The following TMEM74 variants were observed in gnomAD, a reference collection of about 807,000 sequenced individuals.
The protein encoded by TMEM74 is transmembrane protein 74.
TMEM74 carries 13 observed loss-of-function variants against 18.1 expected under a neutral mutation model. The ratio of observed to expected loss-of-function variants is 0.72; its 90% CI spans 0.47 to 1.14. TMEM74 has a LOEUF of 1.14. Among genes scored for constraint, TMEM74 ranks in the 50% most tolerant of loss-of-function variants. The pLI is 0.00. For synonymous variants in TMEM74, 159 were observed against 146.6 expected (o/e 1.08, Z -0.61); for missense variants, 372 against 375.9 (o/e 0.99, Z 0.09).
At chr8:108,693,046 G>C (rs200222371) in intron 1 of TMEM74, among the ~76,000 whole-genome samples, 1 of 152,170 alleles carries the variant, frequency 6.6e-6, no homozygotes, top group Non-Finnish European at 1.5e-5. Flanking sequence ...TTTGAGACTT[G>C]GATGATGAAA....
rs893651791 is a variant in TMEM74 at position 108,779,952 on chromosome 8, G to T, written c.*4229C>A. ...GTGAGATGATAATATAGAATATTAT[G>T]AACCAAAAACAGATATAGCTAAAAA... On this transcript the variant is annotated 3_prime_UTR_variant, in exon 2 of 2. Coordinates refer to ENST00000297459, the MANE Select transcript of TMEM74 (RefSeq NM_153015.3). Among the ~76,000 whole-genome samples the T allele has an allele frequency of 1.3e-5, 2 of 152,212 alleles. No homozygotes were observed.
At chr8:108,756,144 C>T (rs890647836) in intron 1 of TMEM74, among the ~76,000 whole-genome samples, 61 of 151,982 alleles carry the variant, frequency 4.0e-4, no homozygotes, top group African/African-American at 1.4e-3. Flanking sequence ...AAATTTCAAA[C>T]GATTAGGTTT....
At chr8:108,613,641 C>T (rs753639535) in intron 2 of TMEM74, among the ~76,000 whole-genome samples, 3 of 152,186 alleles carry the variant, frequency 2.0e-5, no homozygotes, top group Non-Finnish European at 2.9e-5. Flanking sequence ...CACGTTGTTT[C>T]CCTTTTTTCA....
intron 2 of TMEM74, chr8:108,652,979 T>G (rs1812788981): frequency 4.0e-6 from 1 of 252,222 alleles, no homozygotes; most frequent in African/African-American, 2.3e-5. Flanking sequence ...TTAGTTTATT[T>G]CCTCTGGAAA....
chr8:108,758,974 A>G (rs1814009248), intron 1 of TMEM74, among the ~76,000 whole-genome samples: 1 of 152,118 alleles, frequency 6.6e-6, no homozygotes, highest in African/African-American at 2.4e-5. Context: ...TACATGATTT[A>G]TATAATGCTT....
intron 1 of TMEM74, among the ~76,000 whole-genome samples, chr8:108,677,738 A>C (rs1813068977): frequency 6.6e-6 from 1 of 152,090 alleles, no homozygotes; most frequent in East Asian, 1.9e-4. Flanking sequence ...TGCAAAATCC[A>C]TCTTTCTGTA....
At chr8:108,708,826 A>C (rs1813445059) in intron 1 of TMEM74, among the ~76,000 whole-genome samples, 1 of 150,398 alleles carries the variant, frequency 6.6e-6, no homozygotes, top group Non-Finnish European at 1.5e-5. Context: ...AAAAAAAAAA[A>C]AAAAAACCAA....
At chr8:108,618,097 C>T (rs1273223847) in intron 2 of TMEM74, among the ~76,000 whole-genome samples, 1 of 152,122 alleles carries the variant, frequency 6.6e-6, no homozygotes, top group East Asian at 1.9e-4. Flanking sequence ...ATTCAGGCAC[C>T]CCATTCTCCC....
Position 108,661,378 on chromosome 8 carries a change from CTTTTTTTTTTTTT to C in TMEM74, n.120-5954_120-5942del, listed in dbSNP as rs760545466. Among the ~76,000 whole-genome samples, 307 of 86,732 alleles carry C rather than the reference CTTTTTTTTTTTTT, an allele frequency of 3.5e-3. 8 individuals are homozygous for C. The highest frequency in any genetic ancestry group is 0.031 in the East Asian group (82 of 2,612). The allele number at this position is 86,732 out of a possible 152,430, so 56.9% of individuals were successfully genotyped here. On this transcript the variant is annotated intron_variant and non_coding_transcript_variant, in intron 1 of 3. Coordinates refer to the TMEM74 transcript ENST00000518838. The stretch of plus-strand genomic sequence containing the variant: ...TATCTTTTTCCTCTCCCTTGCAGCT[CTTTTTTTTTTTTT>C]TTTTTTTTTTCTATCTTTGCTGAGG...
chr8:108,742,855 A>G (rs1047983842), intron 1 of TMEM74, among the ~76,000 whole-genome samples: 1 of 152,192 alleles, frequency 6.6e-6, no homozygotes, highest in Non-Finnish European at 1.5e-5. Context: ...CATAAAGTGG[A>G]AGTGGGTTAG....
At chr8:108,679,994 G>A (rs1813095682) in intron 1 of TMEM74, among the ~76,000 whole-genome samples, 1 of 152,176 alleles carries the variant, frequency 6.6e-6, no homozygotes, top group South Asian at 2.1e-4. Flanking sequence ...CCAGGAAGAA[G>A]TTGAATCTCT....
chr8:108,693,050 G>A (rs1813246452), intron 1 of TMEM74, among the ~76,000 whole-genome samples: 3 of 152,160 alleles, frequency 2.0e-5, no homozygotes, highest in Non-Finnish European at 2.9e-5. Context: ...AGACTTGGAT[G>A]ATGAAATGAG....
In TMEM74 at chr8:108,782,872, A is replaced by C. The variant is rs972326863; in HGVS notation, c.*1309T>G. ...AGGTATTTCTGAGGCTGCATTTCCCATCCCTTTTCTGAACCGTCACCATAA... is the reference window on the plus strand; with the variant it reads ...AGGTATTTCTGAGGCTGCATTTCCCCTCCCTTTTCTGAACCGTCACCATAA... On this transcript the variant is annotated 3_prime_UTR_variant, in exon 2 of 2. Coordinates refer to ENST00000297459, the MANE Select transcript of TMEM74 (RefSeq NM_153015.3). Among the ~76,000 whole-genome samples, 1 of 152,086 alleles carries C rather than the reference A, an allele frequency of 6.6e-6. No homozygotes were observed. The highest frequency in any genetic ancestry group is 1.5e-5 in the Non-Finnish European group (1 of 68,028).
chr8:108,752,001 T>C (rs925067811), intron 1 of TMEM74, among the ~76,000 whole-genome samples: 1 of 152,092 alleles, frequency 6.6e-6, no homozygotes, highest in East Asian at 1.9e-4. Flanking sequence ...GGGACTATGG[T>C]CGTGAACATG....
At chr8:108,622,256 C>T (rs1204116690) in intron 2 of TMEM74, among the ~76,000 whole-genome samples, 1 of 152,070 alleles carries the variant, frequency 6.6e-6, no homozygotes, top group Non-Finnish European at 1.5e-5. Context: ...ACAATGACCA[C>T]TACTGATGGA....
chr8:108,744,127 C>A (rs1017172387), intron 1 of TMEM74, among the ~76,000 whole-genome samples: 2 of 152,136 alleles, frequency 1.3e-5, no homozygotes, highest in Non-Finnish European at 2.9e-5. Flanking sequence ...GGGCTCACAG[C>A]ATCAACTACA....
chr8:108,717,905 A>G (rs1813542190), intron 1 of TMEM74, among the ~76,000 whole-genome samples: 1 of 147,044 alleles, frequency 6.8e-6, no homozygotes, highest in Non-Finnish European at 1.5e-5. Flanking sequence ...TGAGATGGGG[A>G]ACCATTGGCG....
chr8:108,639,552 G>T (rs1812642177), intron 2 of TMEM74, among the ~76,000 whole-genome samples: 1 of 152,116 alleles, frequency 6.6e-6, no homozygotes, highest in South Asian at 2.1e-4. Context: ...AATAAATGTG[G>T]CATCACAGGA....
intron 1 of TMEM74, among the ~76,000 whole-genome samples, chr8:108,753,490 A>C (rs952570547): frequency 1.3e-5 from 2 of 152,142 alleles, no homozygotes; most frequent in Non-Finnish European, 2.9e-5. Flanking sequence ...AAAGGAGGCT[A>C]TGTGCCCTTT....
Sources: allele counts gnomAD v4.1 joint callset (sites outside exome capture counted in the v4.1 genomes callset), GRCh38; gene constraint gnomAD v4.1.1; transcripts MANE v1.5; gene names NCBI Gene and HGNC (gene_info 2026-07-23, HGNC 2026-07-21).